Variants in PDSS2 observed in about 807,000 individuals in gnomAD.
PDSS2 encodes all trans-polyprenyl-diphosphate synthase PDSS2.
Under a neutral mutation model 44.5 loss-of-function variants are expected in PDSS2, and 31 were observed. That is an observed-to-expected ratio of 0.70 (90% CI 0.52 to 0.94). The LOEUF (loss-of-function observed/expected upper bound fraction) is 0.94, where lower values mean the gene tolerates loss of function less well. Ranked by LOEUF, PDSS2 falls within the 40% of genes least tolerant of loss-of-function variation. The pLI is 0.00. For missense variants in PDSS2, 452 were observed against 482.2 expected, an observed-to-expected ratio of 0.94 and a Z score of 0.59; for synonymous variants, 157 against 180.3, an observed-to-expected ratio of 0.87 and a Z score of 1.03.
chr6:107,309,781 C>CTACCCATAGTTGGA (rs1776974781), intron 2 of PDSS2, among the ~76,000 whole-genome samples: 3 of 152,340 alleles, frequency 2.0e-5, no homozygotes, highest in African/African-American at 7.2e-5. Context: ...TTACATGGCA[C>CTACCCATAGTTGGA]TACCCATAGT....
intron 1 of PDSS2, among the ~76,000 whole-genome samples, chr6:107,438,773 C>A (rs112465030): frequency 0.018 from 2,801 of 152,274 alleles, 78 homozygotes; most frequent in East Asian, 0.12. Context: ...TTTGAGCTAA[C>A]ATTAATTCTT....
intron 3 of PDSS2, among the ~76,000 whole-genome samples, chr6:107,267,588 C>CTTTTT (rs55860139): frequency 1.5e-5 from 2 of 132,364 alleles, no homozygotes; most frequent in African/African-American, 5.5e-5. Flanking sequence ...GATTCTCTTT[C>CTTTTT]TTTTTTTTTT....
At chr6:107,191,924 A>G (rs889241221) in intron 7 of PDSS2, among the ~76,000 whole-genome samples, 4 of 152,156 alleles carry the variant, frequency 2.6e-5, no homozygotes, top group South Asian at 2.1e-4. Context: ...AGATTCATCA[A>G]TTGTAACAAT....
At chr6:107,440,234 T>A (rs1430698876) in intron 1 of PDSS2, among the ~76,000 whole-genome samples, 1 of 152,236 alleles carries the variant, frequency 6.6e-6, no homozygotes, top group Non-Finnish European at 1.5e-5. Context: ...TGTATTTGGA[T>A]GTGATTTACC....
intron 1 of PDSS2, among the ~76,000 whole-genome samples, chr6:107,397,453 T>G (rs1227752595): frequency 2.0e-5 from 3 of 152,200 alleles, no homozygotes; most frequent in African/African-American, 7.2e-5. Context: ...TTTATTAACT[T>G]TTGACCTGTG....
At chr6:107,191,457 A>G (rs1438547339) in intron 7 of PDSS2, among the ~76,000 whole-genome samples, 1 of 152,180 alleles carries the variant, frequency 6.6e-6, no homozygotes, top group Non-Finnish European at 1.5e-5. Flanking sequence ...GGTTTCTCAC[A>G]TGGTAAGTTT....
intron 2 of PDSS2, among the ~76,000 whole-genome samples, chr6:107,295,787 T>C (rs1776490691): frequency 6.6e-6 from 1 of 152,180 alleles, no homozygotes; most frequent in South Asian, 2.1e-4. Flanking sequence ...AATGGTCTTT[T>C]ATTCCTTGAC....
chr6:107,297,939 T>A (rs1048079143), intron 2 of PDSS2, among the ~76,000 whole-genome samples: 5 of 151,988 alleles, frequency 3.3e-5, no homozygotes, highest in Admixed American at 6.6e-5. Context: ...AGAGACAGGG[T>A]TTCGCCATGT....
rs143113062 is a variant in PDSS2 at position 107,221,318 on chromosome 6, G to A, written c.703-9036C>T. 7.0e-3 allele frequency among the ~76,000 whole-genome samples: 884 copies of A among 127,166 alleles called. 10 individuals are homozygous for A. The highest frequency in any genetic ancestry group is 0.025 in the African/African-American group (855 of 33,636). 83.4% of individuals were successfully genotyped at this position (127,166 alleles called of 152,430 possible). On this transcript the variant is annotated intron_variant, in intron 4 of 7. Coordinates refer to ENST00000369037, the MANE Select transcript of PDSS2 (RefSeq NM_020381.4). Reference sequence around the variant, plus strand: ...GACCGCACCATGGCACTCCAGCCTGGGCGACAGAGTGAGACTCCGTCTCGA... The same window carrying A: ...GACCGCACCATGGCACTCCAGCCTGAGCGACAGAGTGAGACTCCGTCTCGA...
At chr6:107,321,301 A>G (rs754192096) in intron 2 of PDSS2, among the ~76,000 whole-genome samples, 2 of 152,206 alleles carry the variant, frequency 1.3e-5, no homozygotes, top group Non-Finnish European at 2.9e-5. Context: ...AAGGTACAAA[A>G]TGTAATAGAG....
At chr6:107,320,921 A>G (rs1395138341) in intron 2 of PDSS2, among the ~76,000 whole-genome samples, 1 of 152,218 alleles carries the variant, frequency 6.6e-6, no homozygotes, top group Non-Finnish European at 1.5e-5. Context: ...TAATGGAAAG[A>G]GCATGAATTC....
At chr6:107,379,103 A>G (rs972536053) in intron 1 of PDSS2, among the ~76,000 whole-genome samples, 19 of 152,206 alleles carry the variant, frequency 1.2e-4, no homozygotes, top group Non-Finnish European at 1.5e-4. Context: ...TAGGGTATCT[A>G]TACAAATCAT....
chr6:107,364,193 C>G (rs1298642006), intron 1 of PDSS2, among the ~76,000 whole-genome samples: 1 of 152,228 alleles, frequency 6.6e-6, no homozygotes, highest in East Asian at 1.9e-4. Flanking sequence ...TAGTGGATCC[C>G]GCACTGGGGC....
intron 1 of PDSS2, among the ~76,000 whole-genome samples, chr6:107,422,288 T>G (rs1443478880): frequency 2.6e-5 from 4 of 151,980 alleles, no homozygotes; most frequent in Non-Finnish European, 5.9e-5. Flanking sequence ...AGTATTAATA[T>G]TCAACATACA....
At chr6:107,272,013 C>T (rs1021115917) in intron 3 of PDSS2, among the ~76,000 whole-genome samples, 5 of 150,898 alleles carry the variant, frequency 3.3e-5, no homozygotes, top group Non-Finnish European at 5.9e-5. Context: ...GCAGTGATCA[C>T]GCCACTGCAC....
At chr6:107,293,920 T>C (rs1176726868) in intron 2 of PDSS2, among the ~76,000 whole-genome samples, 2 of 152,108 alleles carry the variant, frequency 1.3e-5, no homozygotes. Flanking sequence ...TAAAGTTTAG[T>C]GACAGGACCA....
intron 4 of PDSS2, among the ~76,000 whole-genome samples, chr6:107,216,484 A>AAAAAAAC (rs1043221795): frequency 6.6e-6 from 1 of 152,278 alleles, no homozygotes. Flanking sequence ...AAGAAAACCA[A>AAAAAAAC]AAAAAACAAA....
At chr6:107,357,574 T>G (rs944357040) in intron 1 of PDSS2, among the ~76,000 whole-genome samples, 2 of 152,180 alleles carry the variant, frequency 1.3e-5, no homozygotes, top group Non-Finnish European at 2.9e-5. Context: ...AACTAAATTT[T>G]TATTCAAATG....
intron 1 of PDSS2, among the ~76,000 whole-genome samples, chr6:107,416,408 A>G (rs1780661599): frequency 6.6e-6 from 1 of 152,216 alleles, no homozygotes; most frequent in South Asian, 2.1e-4. Flanking sequence ...TCTAAGTGCA[A>G]AGGCTATCCA....
Sources: gnomAD v4.1 joint callset for allele counts (sites outside exome capture counted in the v4.1 genomes callset) on GRCh38, gnomAD v4.1.1 for gene constraint, MANE v1.5 for transcripts, NCBI Gene and HGNC (gene_info 2026-07-23, HGNC 2026-07-21) for gene names.